Variants in CACNA1E observed in about 807,000 individuals in gnomAD.
The protein encoded by CACNA1E is calcium voltage-gated channel subunit alpha1 E, also known as voltage-dependent R-type calcium channel subunit alpha-1E.
CACNA1E carries 40 observed loss-of-function variants against 259.2 expected under a neutral mutation model. That is an observed-to-expected ratio of 0.15 (90% CI 0.12 to 0.20). The LOEUF is 0.20. CACNA1E is among the 10% of genes least tolerant of loss of function. The pLI, the probability that CACNA1E is intolerant of heterozygous loss-of-function variation, is 1.00. For synonymous variants in CACNA1E, 1,104 were observed against 1,138.5 expected (o/e 0.97, Z 0.61); for missense variants, 1,874 against 3,040.1 (o/e 0.62, Z 9.02).
At position 181,796,867 on chromosome 1, in the gene CACNA1E, A is replaced by G. The variant is rs1661855725; in HGVS notation, c.6399+9A>G. 20 of 1,576,146 alleles carry G rather than the reference A, an allele frequency of 1.3e-5. No individual in the cohort carries two copies. Among genetic ancestry groups the G allele is most frequent in the Non-Finnish European group, 1.6e-5 (19 of 1,158,322 alleles). ...AGACGCCCAACAGACAGGTGAGCGC[A>G]GAGAGGAAGCCAGTCTACAGCAGAA... On this transcript the variant is annotated intron_variant, in intron 47 of 47. Transcript: ENST00000367573.
Position 181,762,584 on chromosome 1 carries a change from G to C in CACNA1E, c.4616G>C (p.Arg1539Pro). The change falls in exon 33 of 48, where the codon CGA becomes CCA. Residue 1539 changes from arginine (R) to proline (P), a missense_variant. Physicochemically the swap from Arg to Pro is moderately radical, Grantham distance 103 (BLOSUM62 -2). This residue lies in a region of CACNA1E where 188 missense variants were observed against 540.6 expected (regional missense o/e 0.35). Coordinates refer to ENST00000367573, the MANE Select transcript of CACNA1E (RefSeq NM_001205293.3). ...GAATTCATTTGGCAGAACTATTTCC[G>C]AGACACCTGGAATATCTTTGACTTC... ...VIAFGFLNYF[R>P]DTWNIFDFIT... 6.2e-7 allele frequency: 1 copy of C among 1,603,366 alleles called. No homozygotes were observed. The highest frequency in any genetic ancestry group is 8.5e-7 in the Non-Finnish European group (1 of 1,172,130).
chr1:181,752,123 T>TG lies in CACNA1E; in HGVS notation c.3732-15dup, dbSNP rs2102664475. 9.0e-6 allele frequency: 14 copies of TG among 1,552,232 alleles called. No homozygotes were observed. Among genetic ancestry groups the TG allele is most frequent in the Non-Finnish European group, 1.2e-5 (14 of 1,123,636 alleles). On this transcript the variant is annotated intron_variant, in intron 26 of 47. Coordinates refer to ENST00000367573, the MANE Select transcript of CACNA1E (RefSeq NM_001205293.3). ...TTCTCCCCCATTCCATATGATTCCC[T>TG]GGGGGCCTCTCCCCTGCAGAACCAA... is the stretch of plus-strand genomic sequence containing the variant.
At chr1:181,594,769 A>G (rs1349629607) in intron 6 of CACNA1E, among the ~76,000 whole-genome samples, 2 of 152,184 alleles carry the variant, frequency 1.3e-5, no homozygotes, top group Non-Finnish European at 2.9e-5. Context: ...CCTCAGTGAG[A>G]CTCATTTTCA....
intron 1 of CACNA1E, among the ~76,000 whole-genome samples, chr1:181,342,732 C>T (rs1042151715): frequency 5.3e-5 from 8 of 152,088 alleles, no homozygotes; most frequent in Non-Finnish European, 1.0e-4. Context: ...ACCTCGAAAG[C>T]GTGGATAGTG....
At chr1:181,602,286 G>A (rs1489229088) in intron 6 of CACNA1E, among the ~76,000 whole-genome samples, 1 of 152,194 alleles carries the variant, frequency 6.6e-6, no homozygotes, top group Non-Finnish European at 1.5e-5. Flanking sequence ...TTAGTACCTG[G>A]CAGAAGGTAA....
intron 6 of CACNA1E, among the ~76,000 whole-genome samples, chr1:181,607,912 G>T (rs1415487245): frequency 6.6e-6 from 1 of 152,184 alleles, no homozygotes; most frequent in Non-Finnish European, 1.5e-5. Context: ...CCATTTCAGG[G>T]ATGTGGACAG....
intron 1 of CACNA1E, among the ~76,000 whole-genome samples, chr1:181,399,164 T>C: frequency 6.6e-6 from 1 of 151,464 alleles, no homozygotes; most frequent in African/African-American, 2.4e-5. Flanking sequence ...ACCTGAGTAA[T>C]GGCTTGCAGG....
At position 181,721,808 on chromosome 1, in the gene CACNA1E, C is replaced by G; in HGVS notation, c.2007C>G (p.Ser669=). The G allele has an allele frequency of 6.2e-7, 1 of 1,613,692 alleles. No individual in the cohort carries two copies. Among genetic ancestry groups the G allele is most frequent in the Non-Finnish European group, 8.5e-7 (1 of 1,179,730 alleles). Residue 669 remains serine (S), a synonymous_variant, in exon 16 of 48, where the codon TCC becomes TCG. Coordinates refer to ENST00000367573, the MANE Select transcript of CACNA1E (RefSeq NM_001205293.3). ...WNEVMYNGIR[S]QGGVSSGMWS... The stretch of plus-strand genomic sequence containing the variant: ...AGGTGATGTACAATGGGATCCGCTC[C>G]CAGGGTGGGGTCAGCTCAGGCATGT...
chr1:181,421,101 T>G (rs781578808), intron 2 of CACNA1E, among the ~76,000 whole-genome samples: 4 of 152,196 alleles, frequency 2.6e-5, no homozygotes, highest in Non-Finnish European at 5.9e-5. Flanking sequence ...CCAGTGAGGA[T>G]TCACTCCAGG....
At chr1:181,649,655 A>G (rs567987984) in intron 6 of CACNA1E, among the ~76,000 whole-genome samples, 107 of 152,362 alleles carry the variant, frequency 7.0e-4, no homozygotes, top group African/African-American at 2.4e-3. Flanking sequence ...CATATACACC[A>G]TGGAATACTA....
rs545576356 is a variant in CACNA1E at position 181,322,201 on chromosome 1, C to G, written c.-15+4078C>G. Among the ~76,000 whole-genome samples, 5 of 152,182 alleles carry G rather than the reference C, an allele frequency of 3.3e-5. No individual in the cohort carries two copies. The East Asian group carries it at 9.7e-4, about 29-fold the overall frequency. ...GGCATATATTACTTTGCATTCCCAA[C>G]AAGTGAGGGAGAATTGGGAAAAGCA... On this transcript the variant is annotated intron_variant, in intron 1 of 11. Coordinates refer to the CACNA1E transcript ENST00000524607.
chr1:181,650,465 T>G (rs1040553507), intron 6 of CACNA1E, among the ~76,000 whole-genome samples: 1 of 152,172 alleles, frequency 6.6e-6, no homozygotes, highest in African/African-American at 2.4e-5. Context: ...AAAGACTATT[T>G]GGAAAGACTT....
At chr1:181,647,447 C>A (rs918255210) in intron 6 of CACNA1E, among the ~76,000 whole-genome samples, 7 of 152,142 alleles carry the variant, frequency 4.6e-5, no homozygotes, top group African/African-American at 1.7e-4. Context: ...ATGAGTGATT[C>A]TCCCTCTCAC....
At chr1:181,373,415 A>G (rs894793949) in intron 1 of CACNA1E, among the ~76,000 whole-genome samples, 1 of 151,742 alleles carries the variant, frequency 6.6e-6, no homozygotes, top group African/African-American at 2.4e-5. Context: ...TCTAGTTTTT[A>G]TAAGTAGAAT....
At chr1:181,332,711 C>T (rs1436190872) in intron 1 of CACNA1E, among the ~76,000 whole-genome samples, 2 of 152,166 alleles carry the variant, frequency 1.3e-5, no homozygotes, top group African/African-American at 4.8e-5. Flanking sequence ...CTCCTAAATC[C>T]AGTACATCAA....
In CACNA1E at chr1:181,338,513, T is replaced by C. The variant is rs544091573; in HGVS notation, c.-15+20390T>C. 1.3e-3 allele frequency among the ~76,000 whole-genome samples: 194 copies of C among 152,104 alleles called. 2 individuals are homozygous for C. Among genetic ancestry groups the C allele is most frequent in the Non-Finnish European group, 7.1e-4 (48 of 67,956 alleles). On this transcript the variant is annotated intron_variant, in intron 1 of 11. Transcript: ENST00000524607. ...TCAGGTCATTTACCCATTTTTTTTT[T>C]TTTTGTGGCTAAGTTGTGTGAGTTC...
chr1:181,503,905 G>A (rs1665481752), intron 1 of CACNA1E, among the ~76,000 whole-genome samples: 1 of 152,178 alleles, frequency 6.6e-6, no homozygotes, highest in African/African-American at 2.4e-5. Flanking sequence ...TCCAGGTCTT[G>A]AAGAAGATTC....
chr1:181,347,706 G>A (rs889511982), intron 1 of CACNA1E, among the ~76,000 whole-genome samples: 6 of 152,230 alleles, frequency 3.9e-5, no homozygotes, highest in Admixed American at 2.6e-4. Flanking sequence ...TAAACTCAAT[G>A]ACTGTGTCAG....
chr1:181,544,711 G>A (rs1647268361), intron 3 of CACNA1E, among the ~76,000 whole-genome samples: 1 of 152,112 alleles, frequency 6.6e-6, no homozygotes, highest in African/African-American at 2.4e-5. Flanking sequence ...TTCTATTGTG[G>A]CCCCAAGTGA....
Sources: gnomAD v4.1 joint callset for allele counts (sites outside exome capture counted in the v4.1 genomes callset) on GRCh38, gnomAD v4.1.1 for gene constraint, gnomAD v4.1.1 regional missense constraint, MANE v1.5 for transcripts, NCBI Gene and HGNC (gene_info 2026-07-23, HGNC 2026-07-21) for gene names.